The following FMNL2 variants were observed in gnomAD, a reference collection of about 807,000 sequenced individuals.
The protein encoded by FMNL2 is formin-like protein 2.
Under a neutral mutation model 130.2 loss-of-function variants are expected in FMNL2, and 51 were observed. That is an observed-to-expected ratio of 0.39 (90% confidence interval 0.31 to 0.49). The LOEUF (loss-of-function observed/expected upper bound fraction) is 0.49. Ranked by LOEUF, FMNL2 falls within the 20% of genes least tolerant of loss-of-function variation. FMNL2 has a pLI of 0.85. For synonymous variants in FMNL2, 465 were observed against 467.1 expected (o/e 1.00, Z 0.06); for missense variants, 977 against 1,316.2 (o/e 0.74, Z 3.99).
chr2:152,378,986 CAAAAAAAAAAAAA>C (rs34091948), intron 1 of FMNL2, among the ~76,000 whole-genome samples: 1 of 41,990 alleles, frequency 2.4e-5, no homozygotes, highest in South Asian at 1.5e-3. Flanking sequence ...AGACCAGCTG[CAAAAAAAAAAAAA>C]AAAAAAAAAA....
chr2:152,617,836 G>T (rs555484703), intron 13 of FMNL2, among the ~76,000 whole-genome samples: 67 of 152,100 alleles, frequency 4.4e-4, no homozygotes, highest in Non-Finnish European at 8.2e-4. Context: ...AAGGCAAATG[G>T]CTTGCCTTTA....
intron 11 of FMNL2, among the ~76,000 whole-genome samples, chr2:152,612,718 C>T (rs7575441): frequency 0.16 from 24,700 of 152,056 alleles, 2,258 homozygotes; most frequent in Admixed American, 0.23. Context: ...TGGGTTCAAG[C>T]GATTCTCATG....
intron 6 of FMNL2, among the ~76,000 whole-genome samples, chr2:152,572,139 CA>C (rs1052799431): frequency 6.6e-6 from 1 of 152,128 alleles, no homozygotes; most frequent in African/African-American, 2.4e-5. Flanking sequence ...CAGAAATCTG[CA>C]AATGTGCTTC....
chr2:152,646,675 C>T (rs1016553154), intron 25 of FMNL2, among the ~76,000 whole-genome samples: 1 of 152,126 alleles, frequency 6.6e-6, no homozygotes, highest in Admixed American at 6.5e-5. Flanking sequence ...TAAAGGGATA[C>T]AAAAGATTCA....
At chr2:152,387,392 C>G (rs1370479995) in intron 1 of FMNL2, among the ~76,000 whole-genome samples, 1 of 152,112 alleles carries the variant, frequency 6.6e-6, no homozygotes, top group Admixed American at 6.5e-5. Flanking sequence ...GATTTAATTG[C>G]CTGCTGACTT....
At chr2:152,645,512 A>G (rs765439768) in intron 25 of FMNL2, 25 of 1,289,844 alleles carry the variant, frequency 1.9e-5, no homozygotes. Context: ...CCGGTGGTGG[A>G]GGATACACAG....
At chr2:152,550,419 T>C (rs1173042868) in intron 4 of FMNL2, among the ~76,000 whole-genome samples, 1 of 152,216 alleles carries the variant, frequency 6.6e-6, no homozygotes, top group Non-Finnish European at 1.5e-5. Context: ...CAAAGAATCA[T>C]AGAGTCATGA....
chr2:152,576,468 G>A (rs539456623), intron 7 of FMNL2, among the ~76,000 whole-genome samples: 1 of 152,232 alleles, frequency 6.6e-6, no homozygotes, highest in South Asian at 2.1e-4. Context: ...AACCTCTTAA[G>A]TCATGTAAAT....
At chr2:152,434,983 A>G (rs894655014) in intron 1 of FMNL2, among the ~76,000 whole-genome samples, 1 of 151,990 alleles carries the variant, frequency 6.6e-6, no homozygotes, top group African/African-American at 2.4e-5. Context: ...CTAGCACTCA[A>G]CATCTAGATG....
At chr2:152,381,132 A>G (rs1318008893) in intron 1 of FMNL2, among the ~76,000 whole-genome samples, 1 of 152,204 alleles carries the variant, frequency 6.6e-6, no homozygotes, top group African/African-American at 2.4e-5. Context: ...TGATCACAAC[A>G]TATTTGTTAT....
intron 9 of FMNL2, among the ~76,000 whole-genome samples, chr2:152,587,522 A>G (rs1281264223): frequency 1.3e-5 from 2 of 152,220 alleles, no homozygotes; most frequent in Non-Finnish European, 2.9e-5. Context: ...AAAACTTTAT[A>G]AACTTTTTGA....
intron 1 of FMNL2, among the ~76,000 whole-genome samples, chr2:152,338,089 A>G (rs1681584340): frequency 6.6e-6 from 1 of 151,968 alleles, no homozygotes; most frequent in Non-Finnish European, 1.5e-5. Flanking sequence ...GAGTTGCTTA[A>G]GAAATCAGTT....
At chr2:152,632,216 A>G in intron 21 of FMNL2, 79 bp downstream of exon 21, 1 of 1,524,024 alleles carries the variant, frequency 6.6e-7, no homozygotes, top group Non-Finnish European at 8.8e-7. Flanking sequence ...CTGCTTAAAC[A>G]CTTTTCAGAA....
chr2:152,434,008 A>G (rs938812631), intron 1 of FMNL2, among the ~76,000 whole-genome samples: 1 of 152,232 alleles, frequency 6.6e-6, no homozygotes, highest in African/African-American at 2.4e-5. Context: ...GCAAGGAGAA[A>G]GCCCATTTTG....
chr2:152,587,377 A>G (rs186786627), intron 9 of FMNL2, among the ~76,000 whole-genome samples: 210 of 152,256 alleles, frequency 1.4e-3, no homozygotes, highest in African/African-American at 4.7e-3. Context: ...GGCTCATACC[A>G]TTGTAGTCTG....
chr2:152,626,009 T>C (rs916868404), intron 16 of FMNL2, among the ~76,000 whole-genome samples: 2 of 151,794 alleles, frequency 1.3e-5, no homozygotes, highest in Non-Finnish European at 2.9e-5. Context: ...TGTTCACTTA[T>C]TTTTTTATTT....
At chr2:152,513,147 A>G (rs978587230) in intron 1 of FMNL2, among the ~76,000 whole-genome samples, 1 of 152,190 alleles carries the variant, frequency 6.6e-6, no homozygotes, top group African/African-American at 2.4e-5. Flanking sequence ...GTTGCTTAAC[A>G]ATGGAGACAG....
intron 1 of FMNL2, among the ~76,000 whole-genome samples, chr2:152,456,804 G>C (rs1688982385): frequency 6.6e-6 from 1 of 151,962 alleles, no homozygotes; most frequent in Non-Finnish European, 1.5e-5. Flanking sequence ...AATTAACCAG[G>C]CGTGGCACCT....
intron 1 of FMNL2, among the ~76,000 whole-genome samples, chr2:152,360,754 C>A (rs957910898): frequency 4.6e-5 from 7 of 152,086 alleles, no homozygotes; most frequent in African/African-American, 1.7e-4. Context: ...CCATTCTATT[C>A]TTTTAAAACA....
Sources: allele counts gnomAD v4.1 joint callset (sites outside exome capture counted in the v4.1 genomes callset), GRCh38; gene constraint gnomAD v4.1.1; transcripts MANE v1.5; gene names NCBI Gene and HGNC (gene_info 2026-07-23, HGNC 2026-07-21).